The following MUC4 variants were observed in gnomAD, a reference collection of about 807,000 sequenced individuals.
MUC4 encodes the protein mucin 4, cell surface associated, also known as mucin-4.
A neutral mutation model predicts 257.9 loss-of-function variants in MUC4; 202 were observed. That is an observed-to-expected ratio of 0.78 (90% confidence interval 0.70 to 0.88). The LOEUF (loss-of-function observed/expected upper bound fraction) is 0.88, where lower values mean the gene tolerates loss of function less well. Among genes scored for constraint, MUC4 ranks in the 40% least tolerant of loss-of-function variants. The pLI is 0.00. For synonymous variants in MUC4, 2,351 were observed against 2,757.1 expected (o/e 0.85, Z 4.62); for missense variants, 5,976 against 6,513.7 (o/e 0.92, Z 2.84).
chr3:195,767,463 TAC>T (rs1720835406), intron 7 of MUC4, among the ~76,000 whole-genome samples: 2 of 37,342 alleles, frequency 5.4e-5, no homozygotes. Flanking sequence ...CCACCAACAC[TAC>T]CACCACCATC....
chr3:195,792,567 G>A (rs1734000729), intron 1 of MUC4, among the ~76,000 whole-genome samples: 1 of 152,228 alleles, frequency 6.6e-6, no homozygotes, highest in Non-Finnish European at 1.5e-5. Flanking sequence ...GTGGAAGACA[G>A]TGTGGCGATT....
intron 1 of MUC4, chr3:195,809,805 A>G (rs1227201145): frequency 1.3e-5 from 2 of 152,330 alleles, no homozygotes; most frequent in African/African-American, 4.8e-5. Flanking sequence ...TGGAAACTCA[A>G]GAACTTGGGC....
At chr3:195,795,267 T>C (rs936756761) in intron 1 of MUC4, among the ~76,000 whole-genome samples, 1 of 152,224 alleles carries the variant, frequency 6.6e-6, no homozygotes, top group African/African-American at 2.4e-5. Context: ...TGTAAATTCT[T>C]GGCAATTAAC....
intron 17 of MUC4, among the ~76,000 whole-genome samples, chr3:195,758,728 T>C (rs1442157080): frequency 8.3e-5 from 1 of 12,028 alleles, no homozygotes; most frequent in South Asian, 1.8e-3. Context: ...ATGCCTGGCT[T>C]TTTTTTTTTT....
At chr3:195,767,504 CCACCAT>C (rs1273737246) in intron 7 of MUC4, among the ~76,000 whole-genome samples, 11 of 137,508 alleles carry the variant, frequency 8.0e-5, no homozygotes, top group South Asian at 4.8e-4. Flanking sequence ...ACCATCACCA[CCACCAT>C]CACCATCACC....
intron 18 of MUC4, among the ~76,000 whole-genome samples, chr3:195,754,862 T>G (rs1717264238): frequency 6.8e-6 from 1 of 146,290 alleles, no homozygotes; most frequent in South Asian, 2.3e-4. Context: ...TCCATGTAGA[T>G]ATGTATCAAT....
Position 195,757,213 on chromosome 3 carries a change from G to A in MUC4, c.15102C>T (p.Cys5034=), listed in dbSNP as rs1356395846. The part of the protein sequence containing the change: ...ASALQPRTVV[C]HCNAESQCLY... ...AACACTGGCTCTCTGCATTGCAATG[G>A]CAGACCACAGTCCTGGGCTGGAGTG... Residue 5034 remains cysteine, a synonymous_variant, in exon 18 of 25, where the codon TGC becomes TGT. Transcript: ENST00000463781. The surrounding 1 kb of genome is among the most constrained non-coding windows in gnomAD (Gnocchi z 4.8). The A allele has an allele frequency of 1.2e-6, 2 of 1,613,282 alleles. No individual in the cohort carries two copies. Among genetic ancestry groups the A allele is most frequent in the Non-Finnish European group, 8.5e-7 (1 of 1,179,362 alleles).
intron 1 of MUC4, among the ~76,000 whole-genome samples, chr3:195,798,680 G>C (rs1462619065): frequency 6.6e-6 from 1 of 151,928 alleles, no homozygotes; most frequent in Non-Finnish European, 1.5e-5. Flanking sequence ...CTCCTGCCTG[G>C]GTGACAGAGT....
Position 195,778,459 on chromosome 3 carries a change from G to A in MUC4, c.12791-4C>T. The A allele has an allele frequency of 6.2e-7, 1 of 1,611,822 alleles. No individual in the cohort carries two copies. The highest frequency in any genetic ancestry group is 8.5e-7 in the Non-Finnish European group (1 of 1,179,526). The stretch of plus-strand genomic sequence containing the variant: ...TTCAGTGACGGTGTTGTCATTCCTG[G>A]ACACGTGAAAAGACAAGGCGGGGTG... On this transcript the variant is annotated splice_region_variant and splice_polypyrimidine_tract_variant and intron_variant, in intron 2 of 24. Transcript: ENST00000463781.
rs144888793 is a variant in MUC4 at position 195,778,630 on chromosome 3, G to A, written c.12790+160C>T. On this transcript the variant is annotated intron_variant, in intron 2 of 24. Transcript: ENST00000463781. ...CTTTTCGATTGCGGCACAAAGGAGG[G>A]TGAGCCTGTCACCCACCACACCCAT... Among the ~76,000 whole-genome samples the A allele has an allele frequency of 1.9e-4, 29 of 152,298 alleles. No individual in the cohort carries two copies. In the East Asian group the frequency reaches 4.4e-3, roughly 23 times the overall value.
rs1305520923 is a variant in MUC4 at position 195,788,345 on chromosome 3, A to G, written c.3235T>C (p.Ser1079Pro). The G allele has an allele frequency of 2.3e-5, 35 of 1,548,024 alleles. No homozygotes were observed. The highest frequency in any genetic ancestry group is 3.0e-5 in the Non-Finnish European group (34 of 1,146,174). ...HVTPLPVTSL[S>P]SASTGDTTPL... Reference sequence around the variant, plus strand: ...GTGGTGTCACCTGTGGATGCTGAGGAAAGGCTGGTGACAGGAAGAGGGGTG... The same window carrying G: ...GTGGTGTCACCTGTGGATGCTGAGGGAAGGCTGGTGACAGGAAGAGGGGTG... Residue 1079 changes from serine to proline, a missense_variant, in exon 2 of 25, where the codon TCC becomes CCC. By Grantham distance (74) the Ser-to-Pro change is moderately conservative. Transcript: ENST00000463781.
chr3:195,754,152 A>G, intron 19 of MUC4, 61 bp downstream of exon 19: 2 of 1,545,402 alleles, frequency 1.3e-6, no homozygotes, highest in Non-Finnish European at 1.7e-6. Context: ...TTGGCTGTCT[A>G]CACCCTTGAG....
chr3:195,758,491 T>G (rs1718099328), intron 17 of MUC4, among the ~76,000 whole-genome samples: 2 of 152,078 alleles, frequency 1.3e-5, no homozygotes, highest in Admixed American at 1.3e-4. Context: ...ATGTTGCACT[T>G]GATTATTCTA....
rs546855219 is a variant in MUC4 at position 195,781,051 on chromosome 3, G to A, written c.10529C>T (p.Ala3510Val). ...GGCGTGACCGGTGGATGCTGAGGAA[G>A]CGCCGGTGACAGGAAGAGTGCTGGT... ...GDTSTLPVTG[A>V]SSASTGHATP... Residue 3510 changes from alanine (A) to valine (V), a missense_variant, in exon 2 of 25, where the codon GCT becomes GTT. This residue lies in a region of MUC4 where 297 missense variants were observed against 240.9 expected (regional missense o/e 1.23). Coordinates refer to ENST00000463781, the MANE Select transcript of MUC4 (RefSeq NM_018406.7). The A allele has an allele frequency of 4.7e-5, 71 of 1,502,328 alleles. 5 individuals are homozygous for A. In the African/African-American group the frequency reaches 9.1e-4, roughly 19 times the overall value. The allele number at this position is 1,502,328 out of a possible 1,614,324, so 93.1% of individuals were successfully genotyped here. A position where few individuals can be genotyped will look rare whatever the true frequency, so the allele number is the denominator to read the frequency against.
intron 1 of MUC4, among the ~76,000 whole-genome samples, chr3:195,796,334 C>T (rs1578455985): frequency 6.6e-6 from 1 of 152,186 alleles, no homozygotes; most frequent in Admixed American, 6.5e-5. Context: ...CTACCCACCT[C>T]GGCATCCCAA....
intron 9 of MUC4, 25 bp from the exon 10 acceptor site, chr3:195,765,147 G>C (rs1467827125): frequency 6.2e-7 from 1 of 1,604,066 alleles, no homozygotes; most frequent in African/African-American, 1.3e-5. Context: ...GTCCCACTCA[G>C]GCCCAGGCTG....
rs2148812814 is a variant in MUC4 at position 195,763,571 on chromosome 3, G to C, written c.14115C>G (p.Asp4705Glu). The C allele has an allele frequency of 1.9e-6, 3 of 1,595,032 alleles. No individual in the cohort carries two copies. The South Asian group carries it at 3.4e-5, about 18-fold the overall frequency. Residue 4705 changes from aspartate (D) to glutamate (E), a missense_variant, in exon 12 of 25, where the codon GAC becomes GAG. By Grantham distance (45) the Asp-to-Glu change is conservative. This residue lies in a region of MUC4 where 996 missense variants were observed against 1,137.3 expected (regional missense o/e 0.88). Coordinates refer to ENST00000463781, the MANE Select transcript of MUC4 (RefSeq NM_018406.7). ...CGTCTTGGGCCCCGACCAGCAGGAAGTCCCCCAGCCCATTGAAGGTGTAAC... is the reference window on the plus strand; with the variant it reads ...CGTCTTGGGCCCCGACCAGCAGGAACTCCCCCAGCCCATTGAAGGTGTAAC... ...GVSYTFNGLG[D>E]FLLVGAQDGN...
intron 2 of MUC4, 25 bp from the exon 3 acceptor site, chr3:195,778,480 G>T: frequency 6.2e-7 from 1 of 1,608,438 alleles, no homozygotes; most frequent in Non-Finnish European, 8.5e-7. Flanking sequence ...AGACAAGGCG[G>T]GGTGTTTCTT....
intron 8 of MUC4, among the ~76,000 whole-genome samples, chr3:195,766,068 C>G (rs746248267): frequency 6.6e-6 from 1 of 152,146 alleles, no homozygotes; most frequent in Non-Finnish European, 1.5e-5. Context: ...TCAAACAATT[C>G]TCCTGCCTCA....
Sources: gnomAD v4.1 joint callset for allele counts (sites outside exome capture counted in the v4.1 genomes callset) on GRCh38, gnomAD v4.1.1 for gene constraint, gnomAD v4.1.1 regional missense constraint, Gnocchi (gnomAD v3.1) non-coding constraint, MANE v1.5 for transcripts, NCBI Gene and HGNC (gene_info 2026-07-23, HGNC 2026-07-21) for gene names.